Variants in CDK5RAP2 observed in about 807,000 individuals in gnomAD.
The protein encoded by CDK5RAP2 is CDK5 regulatory subunit associated protein 2, also known as CDK5 regulatory subunit-associated protein 2.
A neutral mutation model predicts 232.9 loss-of-function variants in CDK5RAP2; 147 were observed. The observed-to-expected ratio is 0.63, with a 90% CI of 0.55 to 0.72. The LOEUF (loss-of-function observed/expected upper bound fraction) is 0.72, where lower values mean the gene tolerates loss of function less well. CDK5RAP2 is among the 30% of genes least tolerant of loss of function. CDK5RAP2 has a pLI of 0.00. For missense variants in CDK5RAP2, 2,195 were observed against 2,231.5 expected (o/e 0.98, Z 0.33); for synonymous variants, 833 against 833.7 (o/e 1.00, Z 0.01).
intron 11 of CDK5RAP2, among the ~76,000 whole-genome samples, chr9:120,522,918 T>C (rs966059520): frequency 2.0e-5 from 3 of 152,224 alleles, no homozygotes; most frequent in Admixed American, 6.5e-5. Context: ...CACAGTGAGA[T>C]AGCCGATATA....
intron 7 of CDK5RAP2, among the ~76,000 whole-genome samples, chr9:120,530,712 A>G (rs1056979560): frequency 9.9e-5 from 15 of 152,044 alleles, no homozygotes; most frequent in Non-Finnish European, 2.2e-4. Flanking sequence ...TTGTAGGGAC[A>G]TGGATGAAGC....
At chr9:120,564,570 A>G (rs562311312) in intron 3 of CDK5RAP2, among the ~76,000 whole-genome samples, 60 of 152,312 alleles carry the variant, frequency 3.9e-4, no homozygotes, top group African/African-American at 1.4e-3. Flanking sequence ...TGTTTATAAA[A>G]GTGAGAAATT....
intron 25 of CDK5RAP2, among the ~76,000 whole-genome samples, chr9:120,423,060 A>C (rs2034664497): frequency 6.6e-6 from 1 of 152,222 alleles, no homozygotes; most frequent in African/African-American, 2.4e-5. Context: ...AAAATGGGTA[A>C]CGGAATCAAA....
chr9:120,491,239 A>C, intron 13 of CDK5RAP2, 68 bp downstream of exon 13: 1 of 1,170,032 alleles, frequency 8.5e-7, no homozygotes, highest in South Asian at 1.3e-5. Flanking sequence ...TATTTCTGCA[A>C]AAGAATTATT....
chr9:120,455,634 T>G (rs1328676107), intron 20 of CDK5RAP2, among the ~76,000 whole-genome samples: 1 of 151,750 alleles, frequency 6.6e-6, no homozygotes, highest in Non-Finnish European at 1.5e-5. Flanking sequence ...TCCCAGCTAC[T>G]CGGGAGGCTG....
intron 14 of CDK5RAP2, among the ~76,000 whole-genome samples, chr9:120,484,768 C>T (rs1031368504): frequency 2.0e-5 from 3 of 152,064 alleles, no homozygotes; most frequent in African/African-American, 7.2e-5. Context: ...CACTCTGTGA[C>T]CCAGGCTGGA....
At chr9:120,484,273 C>T (rs540030965) in intron 14 of CDK5RAP2, among the ~76,000 whole-genome samples, 5 of 152,284 alleles carry the variant, frequency 3.3e-5, no homozygotes, top group African/African-American at 9.6e-5. Context: ...GAAAGAACTA[C>T]GATCTGAAAA....
chr9:120,413,411 A>G (rs747821814), intron 28 of CDK5RAP2, among the ~76,000 whole-genome samples: 4 of 152,252 alleles, frequency 2.6e-5, no homozygotes, highest in Non-Finnish European at 5.9e-5. Flanking sequence ...TCCCCAAGGT[A>G]AACATTTCAC....
rs1327184160 is a variant in CDK5RAP2 at position 120,507,923 on chromosome 9, AAAAAAAAAAAAAAAAAAAAATATATAT to A, written c.1311+10477_1311+10503del. Among the ~76,000 whole-genome samples the A allele has an allele frequency of 2.1e-3, 136 of 65,756 alleles. 2 individuals are homozygous for A. The highest frequency in any genetic ancestry group is 7.0e-3 in the Middle Eastern group (1 of 142). The allele number at this position is 65,756 out of a possible 152,430, so 43.1% of individuals were successfully genotyped here. A position where few individuals can be genotyped will look rare whatever the true frequency, so the allele number is the denominator to read the frequency against. Reference sequence around the variant, plus strand: ...AGACTGGCTGATTAAAAAAAAAAAAAAAAAAAAAAAAAAAAAAAAATATATATATATATATATATATATATAGTGGAT... The same window carrying A: ...AGACTGGCTGATTAAAAAAAAAAAAAATATATATATATATATATAGTGGAT... On this transcript the variant is annotated intron_variant, in intron 12 of 37. Transcript: ENST00000349780.
chr9:120,533,022 TTC>T (rs1302364136), intron 7 of CDK5RAP2, among the ~76,000 whole-genome samples: 1 of 152,136 alleles, frequency 6.6e-6, no homozygotes, highest in Non-Finnish European at 1.5e-5. Flanking sequence ...TTACGTGCTG[TTC>T]TCTCTGCTAG....
At chr9:120,414,393 G>C (rs2034077363) in intron 28 of CDK5RAP2, among the ~76,000 whole-genome samples, 1 of 152,180 alleles carries the variant, frequency 6.6e-6, no homozygotes, top group Non-Finnish European at 1.5e-5. Context: ...TCTCTCTAGA[G>C]CAATAAGGAA....
At chr9:120,565,793 C>T (rs927133614) in intron 3 of CDK5RAP2, among the ~76,000 whole-genome samples, 3 of 152,162 alleles carry the variant, frequency 2.0e-5, no homozygotes, top group Admixed American at 1.3e-4. Flanking sequence ...CGAGTCATAG[C>T]CCCTCCTCTG....
At chr9:120,579,148 C>A (rs2132257800) in intron 1 of CDK5RAP2, among the ~76,000 whole-genome samples, 1 of 152,300 alleles carries the variant, frequency 6.6e-6, no homozygotes, top group Admixed American at 6.5e-5. Flanking sequence ...TGGGGCAGGT[C>A]CATGGGAGGC....
At chr9:120,543,683 A>AC (rs2041729478) in intron 5 of CDK5RAP2, among the ~76,000 whole-genome samples, 1 of 152,076 alleles carries the variant, frequency 6.6e-6, no homozygotes, top group South Asian at 2.1e-4. Context: ...ACATGGTGAA[A>AC]CCCCATCTCT....
Position 120,476,584 on chromosome 9 carries a change from C to T in CDK5RAP2, c.1727+766G>A, listed in dbSNP as rs1445443060. ...GTCCCAACTACTTGGGAGGCTGAGG[C>T]AGGAGAATCGCTTGAACCCGGGAGG... On this transcript the variant is annotated intron_variant, in intron 15 of 37. Transcript: ENST00000349780. Among the ~76,000 whole-genome samples, 9 of 150,966 alleles carry T rather than the reference C, an allele frequency of 6.0e-5. No individual in the cohort carries two copies. In the Admixed American group the frequency reaches 6.0e-4, roughly 10 times the overall value.
intron 5 of CDK5RAP2, among the ~76,000 whole-genome samples, chr9:120,542,822 TA>T (rs2041692609): frequency 6.6e-6 from 1 of 152,182 alleles, no homozygotes; most frequent in East Asian, 1.9e-4. Flanking sequence ...TAAAAAGTGT[TA>T]AACATAGAGT....
intron 4 of CDK5RAP2, among the ~76,000 whole-genome samples, chr9:120,550,059 T>C (rs769063380): frequency 6.6e-6 from 1 of 152,224 alleles, no homozygotes; most frequent in Non-Finnish European, 1.5e-5. Context: ...GCTAATCTAC[T>C]AGAAAAAGCC....
intron 18 of CDK5RAP2, among the ~76,000 whole-genome samples, chr9:120,464,169 G>C (rs1206606258): frequency 6.6e-6 from 1 of 152,102 alleles, no homozygotes; most frequent in Non-Finnish European, 1.5e-5. Flanking sequence ...ACCCCACGCT[G>C]TTACTCTGCA....
intron 25 of CDK5RAP2, 149 bp downstream of exon 25, chr9:120,437,146 G>A (rs1379421115): frequency 5.8e-6 from 4 of 692,036 alleles, no homozygotes; most frequent in African/African-American, 1.8e-5. Flanking sequence ...CTGGGAGGAA[G>A]CAGCAGCCAG....
Sources: gnomAD v4.1 joint callset for allele counts (sites outside exome capture counted in the v4.1 genomes callset) on GRCh38, gnomAD v4.1.1 for gene constraint, MANE v1.5 for transcripts, NCBI Gene and HGNC (gene_info 2026-07-23, HGNC 2026-07-21) for gene names.